The following GSTA1 variants were observed in gnomAD, a reference collection of about 807,000 sequenced individuals.
GSTA1 encodes glutathione S-transferase A1.
GSTA1 carries 23 observed loss-of-function variants against 21.5 expected under a neutral mutation model. The ratio of observed to expected loss-of-function variants is 1.07; its 90% CI spans 0.77 to 1.52. The LOEUF (loss-of-function observed/expected upper bound fraction) is 1.52. Ranked by LOEUF, GSTA1 falls within the 40% of genes most tolerant of loss-of-function variation. The pLI is 0.00. For synonymous variants in GSTA1, 125 were observed against 90.0 expected (o/e 1.39, Z -2.20); for missense variants, 301 against 264.2 (o/e 1.14, Z -0.96).
At chr6:52,796,489 A>ATATATGTGTG (rs1763589125) in intron 3 of GSTA1, among the ~76,000 whole-genome samples, 175 bp from the exon 4 acceptor site, 1 of 13,080 alleles carries the variant, frequency 7.6e-5, no homozygotes, top group African/African-American at 4.4e-4. Flanking sequence ...ATATATATAT[A>ATATATGTGTG]TGTGTGTGTG....
At chr6:52,793,071 CT>C in intron 5 of GSTA1, 84 bp from the exon 6 acceptor site, 2 of 1,593,042 alleles carry the variant, frequency 1.3e-6, no homozygotes, top group Non-Finnish European at 8.6e-7. Context: ...TCCACCCTGA[CT>C]TTCCCCACCT....
intron 1 of GSTA1, among the ~76,000 whole-genome samples, chr6:52,800,633 T>C (rs1051397816): frequency 6.6e-6 from 1 of 152,158 alleles, no homozygotes; most frequent in African/African-American, 2.4e-5. Flanking sequence ...AGGTGGAACA[T>C]AGCAGAGTAT....
At position 52,791,940 on chromosome 6, in the gene GSTA1, T is replaced by G; in HGVS notation, c.587A>C (p.Lys196Thr). 6.2e-7 allele frequency: 1 copy of G among 1,614,006 alleles called. No individual in the cohort carries two copies. Among genetic ancestry groups the G allele is most frequent in the Non-Finnish European group, 8.5e-7 (1 of 1,179,864 alleles). ...CCTTGGGCTGCCAGGCTGTAGAAAC[T>G]TCTTCACTGTGGGCAGGTTGCTGAT... Reference protein sequence around the residue: ...TRISNLPTVKKFLQPGSPRKP... With the variant: ...TRISNLPTVKTFLQPGSPRKP... The change falls in exon 7 of 7, where the codon AAG becomes ACG. Residue 196 changes from lysine (K) to threonine (T), a missense_variant. Physicochemically the swap from Lys to Thr is moderately conservative, Grantham distance 78. Transcript: ENST00000334575.
rs1232513241 is a variant in GSTA1 at position 52,791,552 on chromosome 6, G to A, written c.*306C>T. 13 of 295,196 alleles carry A rather than the reference G, an allele frequency of 4.4e-5. No individual in the cohort carries two copies. Among genetic ancestry groups the A allele is most frequent in the East Asian group, 1.7e-4 (2 of 11,482 alleles). The allele number at this position is 295,196 out of a possible 1,614,324, so 18.3% of individuals were successfully genotyped here. On this transcript the variant is annotated 3_prime_UTR_variant, in exon 7 of 7. Coordinates refer to ENST00000334575, the MANE Select transcript of GSTA1 (RefSeq NM_145740.5). ...GATTGTATGACAAATTGTATGTTACGGGACAATTCTTGGAAAAGTCAAACA... is the reference window on the plus strand; with the variant it reads ...GATTGTATGACAAATTGTATGTTACAGGACAATTCTTGGAAAAGTCAAACA...
chr6:52,801,182 C>CA (rs1286399854), intron 1 of GSTA1, among the ~76,000 whole-genome samples: 2 of 152,174 alleles, frequency 1.3e-5, no homozygotes, highest in Non-Finnish European at 2.9e-5. Context: ...CACCCGGCCT[C>CA]AACTAATGTA....
chr6:52,797,692 G>A (rs940669310), intron 2 of GSTA1, 55 bp from the exon 3 acceptor site: 2 of 1,403,012 alleles, frequency 1.4e-6, no homozygotes, highest in South Asian at 2.3e-5. Context: ...TATAGACTGT[G>A]GCCTTGAATG....
rs757614838 is a variant in GSTA1, at chr6:52,791,899, C to T, written c.628G>A (p.Glu210Lys). Residue 210 changes from glutamate to lysine, a missense_variant, in exon 7 of 7, where the codon GAG becomes AAG. Physicochemically the swap from Glu to Lys is moderately conservative, Grantham distance 56 (BLOSUM62 1). Coordinates refer to ENST00000334575, the MANE Select transcript of GSTA1 (RefSeq NM_145740.5). ...TTCCTTGCTTCTTCTAAAGATTTCTCATCCATGGGAGGCTTCCTTGGGCTG... is the reference window on the plus strand; with the variant it reads ...TTCCTTGCTTCTTCTAAAGATTTCTTATCCATGGGAGGCTTCCTTGGGCTG... The part of the protein sequence containing the change: ...PGSPRKPPMD[E>K]KSLEEARKIF... The T allele has an allele frequency of 6.2e-7, 1 of 1,614,008 alleles. No homozygotes were observed. The highest frequency in any genetic ancestry group is 8.5e-7 in the Non-Finnish European group (1 of 1,179,874).
At chr6:52,794,291 G>A in intron 4 of GSTA1, 25 bp from the exon 5 acceptor site, 2 of 1,598,106 alleles carry the variant, frequency 1.3e-6, no homozygotes, top group Non-Finnish European at 1.7e-6. Context: ...CAACCAAATG[G>A]TCAAATACCT....
chr6:52,797,090 T>C (rs531014805), intron 3 of GSTA1, among the ~76,000 whole-genome samples: 1 of 152,266 alleles, frequency 6.6e-6, no homozygotes, highest in African/African-American at 2.4e-5. Context: ...TGTTGTGACA[T>C]TTAAGGCAGG....
At chr6:52,799,383 T>G in intron 1 of GSTA1, 86 bp from the exon 2 acceptor site, 1 of 828,866 alleles carries the variant, frequency 1.2e-6, no homozygotes, top group Non-Finnish European at 1.9e-6. Flanking sequence ...CCACCAACAA[T>G]ACTGAAGAAG....
chr6:52,797,711 T>C, intron 2 of GSTA1, 74 bp from the exon 3 acceptor site: 1 of 1,243,960 alleles, frequency 8.0e-7, no homozygotes, highest in Non-Finnish European at 1.2e-6. Context: ...TGGCCCCATC[T>C]GGTGCATCAT....
At chr6:52,798,028 G>T (rs1462713787) in intron 2 of GSTA1, among the ~76,000 whole-genome samples, 2 of 152,186 alleles carry the variant, frequency 1.3e-5, no homozygotes, top group African/African-American at 4.8e-5. Flanking sequence ...CATGAGGCAT[G>T]CCATGGGCTA....
At chr6:52,796,401 T>C in intron 3 of GSTA1, 87 bp from the exon 4 acceptor site, 1 of 1,568,100 alleles carries the variant, frequency 6.4e-7, no homozygotes, top group Non-Finnish European at 8.6e-7. Context: ...AATGACTAAA[T>C]TTGTAAAATG....
At chr6:52,801,109 G>A (rs1283049830) in intron 1 of GSTA1, among the ~76,000 whole-genome samples, 2 of 152,174 alleles carry the variant, frequency 1.3e-5, no homozygotes, top group Non-Finnish European at 2.9e-5. Context: ...TGGAACGCCT[G>A]ACCTCAGGTG....
chr6:52,796,545 T>A (rs370894628), intron 3 of GSTA1, among the ~76,000 whole-genome samples: 7,599 of 20,588 alleles, frequency 0.37, 1,486 homozygotes, highest in African/African-American at 0.47. Flanking sequence ...ATATATATAT[T>A]TTTTTTTTTT....
Position 52,794,186 on chromosome 6 carries a change from T to C in GSTA1, c.353A>G (p.Asp118Gly), listed in dbSNP as rs200091124. Residue 118 changes from aspartate (D) to glycine (G), a missense_variant, in exon 5 of 7, where the codon GAT becomes GGT. Coordinates refer to ENST00000334575, the MANE Select transcript of GSTA1 (RefSeq NM_145740.5). Reference sequence around the variant, plus strand: ...CTCTTTGATCAAGGCAAGCTTGGCATCTTTTTCCTCAGGTGGACATACGGG... The same window carrying C: ...CTCTTTGATCAAGGCAAGCTTGGCACCTTTTTCCTCAGGTGGACATACGGG... The part of the protein sequence containing the change: ...LLPVCPPEEK[D>G]AKLALIKEKI... 3 of 1,614,180 alleles carry C rather than the reference T, an allele frequency of 1.9e-6. No individual in the cohort carries two copies. Among genetic ancestry groups the C allele is most frequent in the Non-Finnish European group, 1.7e-6 (2 of 1,179,982 alleles).
chr6:52,794,175 C>T lies in GSTA1; in HGVS notation c.364G>A (p.Ala122Thr), dbSNP rs1222654199. 1.2e-6 allele frequency: 2 copies of T among 1,614,118 alleles called. No individual in the cohort carries two copies. Among genetic ancestry groups the T allele is most frequent in the Non-Finnish European group, 1.7e-6 (2 of 1,179,956 alleles). The change falls in exon 5 of 7, where the codon GCC becomes ACC. Residue 122 changes from alanine to threonine, a missense_variant. Physicochemically the swap from Ala to Thr is moderately conservative, Grantham distance 58. Coordinates refer to ENST00000334575, the MANE Select transcript of GSTA1 (RefSeq NM_145740.5). ...TTTTTTATTTTCTCTTTGATCAAGG[C>T]AAGCTTGGCATCTTTTTCCTCAGGT... ...CPPEEKDAKL[A>T]LIKEKIKNRY...
At chr6:52,793,108 A>T in intron 5 of GSTA1, 121 bp from the exon 6 acceptor site, 1 of 1,355,278 alleles carries the variant, frequency 7.4e-7, no homozygotes, top group Non-Finnish European at 1.0e-6. Context: ...ATGGGTGCAG[A>T]AATCCAGAGC....
rs1369221797 is a variant in GSTA1, at chr6:52,792,884, C to G, written c.518G>C (p.Ser173Thr). 2.5e-6 allele frequency: 4 copies of G among 1,613,962 alleles called. No individual in the cohort carries two copies. Among genetic ancestry groups the G allele is most frequent in the African/African-American group, 2.7e-5 (2 of 74,914 alleles). Reference sequence around the variant, plus strand: ...CAGCAGAGGGAAGCTGGAGATAAGACTGGAGTCAAGCTCCTCGACGTAGTA... The same window carrying G: ...CAGCAGAGGGAAGCTGGAGATAAGAGTGGAGTCAAGCTCCTCGACGTAGTA... The part of the protein sequence containing the change: ...LLYYVEELDS[S>T]LISSFPLLKA... Residue 173 changes from serine (S) to threonine (T), a missense_variant, in exon 6 of 7, where the codon AGT becomes ACT. By Grantham distance (58) the Ser-to-Thr change is moderately conservative. Coordinates refer to ENST00000334575, the MANE Select transcript of GSTA1 (RefSeq NM_145740.5).
Sources: gnomAD v4.1 joint callset for allele counts (sites outside exome capture counted in the v4.1 genomes callset) on GRCh38, gnomAD v4.1.1 for gene constraint, MANE v1.5 for transcripts, NCBI Gene and HGNC (gene_info 2026-07-23, HGNC 2026-07-21) for gene names.